TERF2: variants seen among roughly 807,000 people sequenced by gnomAD.
The protein encoded by TERF2 is telomeric repeat-binding factor 2.
A neutral mutation model predicts 56.1 loss-of-function variants in TERF2; 16 were observed. That is an observed-to-expected ratio of 0.29 (90% CI 0.19 to 0.43). TERF2 has a LOEUF of 0.43. Ranked by LOEUF, TERF2 falls within the 20% of genes least tolerant of loss-of-function variation. The pLI is 1.00. For missense variants in TERF2, 547 were observed against 712.9 expected, an observed-to-expected ratio of 0.77 and a Z score of 2.65; for synonymous variants, 296 against 282.1, an observed-to-expected ratio of 1.05 and a Z score of -0.50.
At chr16:69,379,604 C>T (rs1015711875) in intron 3 of TERF2, among the ~76,000 whole-genome samples, 3 of 152,160 alleles carry the variant, frequency 2.0e-5, no homozygotes. Flanking sequence ...TAAAACGTTA[C>T]TGCAGACCCT....
intron 9 of TERF2, 110 bp downstream of exon 9, chr16:69,357,408 A>G: frequency 2.3e-6 from 2 of 884,920 alleles, no homozygotes; most frequent in Non-Finnish European, 1.8e-6. Context: ...AAAATCTCAA[A>G]AAAAGGTTTT....
intron 7 of TERF2, among the ~76,000 whole-genome samples, chr16:69,363,217 A>C (rs1306917129): frequency 6.6e-6 from 1 of 152,130 alleles, no homozygotes; most frequent in Non-Finnish European, 1.5e-5. Flanking sequence ...TTTGTTTTCT[A>C]TGTGCTTATC....
At chr16:69,366,510 G>C (rs1376350960) in intron 7 of TERF2, 2 of 372,642 alleles carry the variant, frequency 5.4e-6, no homozygotes, top group East Asian at 8.6e-5. Context: ...CTAATGTTTA[G>C]AAGTCAAGAC....
In TERF2 at chr16:69,385,911, C is replaced by T. The variant is rs2014188201; in HGVS notation, c.61G>A (p.Ala21Thr). The T allele has an allele frequency of 2.2e-6, 3 of 1,393,034 alleles. No individual in the cohort carries two copies. The highest frequency in any genetic ancestry group is 2.8e-6 in the Non-Finnish European group (3 of 1,072,810). The allele number at this position is 1,393,034 out of a possible 1,614,324, so 86.3% of individuals were successfully genotyped here. Residue 21 changes from alanine to threonine, a missense_variant, in exon 1 of 10, where the codon GCG becomes ACG. By Grantham distance (58) the Ala-to-Thr change is moderately conservative (BLOSUM62 0). Transcript: ENST00000254942. ...ASGPGVVRDP[A>T]ASQPRKRPGR... is the part of the protein sequence containing the mutation. Reference sequence around the variant, plus strand: ...GGCCGCTTCCTCGGCTGTGACGCCGCTGGGTCACGCACGACGCCCGGGCCG... The same window carrying T: ...GGCCGCTTCCTCGGCTGTGACGCCGTTGGGTCACGCACGACGCCCGGGCCG...
At chr16:69,383,399 T>C (rs78268165) in intron 3 of TERF2, among the ~76,000 whole-genome samples, 4 of 152,324 alleles carry the variant, frequency 2.6e-5, no homozygotes, top group Non-Finnish European at 4.4e-5. Context: ...GTGTACTTAA[T>C]AGAAGTTAAA....
chr16:69,372,488 C>T (rs1031029714), intron 3 of TERF2, 133 bp from the exon 4 acceptor site: 15 of 578,416 alleles, frequency 2.6e-5, no homozygotes, highest in South Asian at 4.2e-5. Flanking sequence ...TAAAGCCAGG[C>T]GCGGTGGCTC....
intron 8 of TERF2, among the ~76,000 whole-genome samples, chr16:69,357,846 C>CTTTTTT (rs71383989): frequency 1.1e-4 from 14 of 121,908 alleles, no homozygotes; most frequent in East Asian, 2.2e-4. Context: ...ACATCGTTTT[C>CTTTTTT]TTTTTTTTTT....
chr16:69,359,059 T>C (rs1403339589), intron 8 of TERF2, among the ~76,000 whole-genome samples: 1 of 152,236 alleles, frequency 6.6e-6, no homozygotes, highest in African/African-American at 2.4e-5. Flanking sequence ...CTATGACATC[T>C]ACAATGTCAC....
intron 8 of TERF2, 128 bp from the exon 9 acceptor site, chr16:69,357,689 A>G (rs1567442044): frequency 1.1e-5 from 12 of 1,073,740 alleles, no homozygotes; most frequent in Non-Finnish European, 1.5e-5. Context: ...AAGAGAAAGG[A>G]TATCACTAAA....
intron 7 of TERF2, among the ~76,000 whole-genome samples, chr16:69,363,445 C>G (rs1597243200): frequency 6.6e-6 from 1 of 152,170 alleles, no homozygotes; most frequent in Non-Finnish European, 1.5e-5. Flanking sequence ...CTCCTGACTT[C>G]CCAAGTGGAT....
chr16:69,359,871 G>A (rs868430023), intron 8 of TERF2, among the ~76,000 whole-genome samples: 11 of 151,354 alleles, frequency 7.3e-5, no homozygotes, highest in Admixed American at 1.3e-4. Context: ...CGCCTGCCTC[G>A]GCCTTCAAAA....
At chr16:69,384,439 G>T in intron 3 of TERF2, 141 bp downstream of exon 3, 3 of 859,982 alleles carry the variant, frequency 3.5e-6, no homozygotes, top group Non-Finnish European at 5.1e-6. Context: ...AAGAAATAAC[G>T]TCTGTGTGTG....
chr16:69,383,196 CGAAATCT>C (rs2014068019), intron 3 of TERF2, among the ~76,000 whole-genome samples: 1 of 151,986 alleles, frequency 6.6e-6, no homozygotes, highest in Non-Finnish European at 1.5e-5. Context: ...TCTGAAAATC[CGAAATCT>C]GAAATGCTCC....
At chr16:69,360,521 T>C (rs534613780) in intron 8 of TERF2, among the ~76,000 whole-genome samples, 28 of 151,816 alleles carry the variant, frequency 1.8e-4, no homozygotes, top group Admixed American at 1.7e-3. Context: ...CTGGCCAACA[T>C]GGTGAAACCC....
intron 7 of TERF2, among the ~76,000 whole-genome samples, chr16:69,362,035 A>G (rs2142713036): frequency 6.6e-6 from 1 of 151,470 alleles, no homozygotes; most frequent in East Asian, 1.9e-4. Context: ...TGCCTCTTCT[A>G]TTCCCTAATG....
chr16:69,360,223 A>G (rs563533823), intron 8 of TERF2, among the ~76,000 whole-genome samples: 11 of 151,994 alleles, frequency 7.2e-5, no homozygotes, highest in Admixed American at 7.2e-4. Context: ...CCCGACTACT[A>G]AAAATACAAA....
chr16:69,367,532 C>T (rs1343959045), intron 6 of TERF2, among the ~76,000 whole-genome samples: 4 of 152,076 alleles, frequency 2.6e-5, no homozygotes, highest in African/African-American at 9.7e-5. Flanking sequence ...GGATTACAGG[C>T]GTGATCCACC....
intron 8 of TERF2, among the ~76,000 whole-genome samples, chr16:69,359,015 C>G (rs569982701): frequency 6.6e-6 from 1 of 152,248 alleles, no homozygotes; most frequent in East Asian, 1.9e-4. Context: ...TAAACAGAGA[C>G]AAAGTAATGC....
At chr16:69,360,767 A>C (rs1481441142) in intron 8 of TERF2, among the ~76,000 whole-genome samples, 1 of 151,642 alleles carries the variant, frequency 6.6e-6, no homozygotes, top group Non-Finnish European at 1.5e-5. Flanking sequence ...TTTTTCTTTA[A>C]ACAAGAAATG....
Sources: gnomAD v4.1 joint callset for allele counts (sites outside exome capture counted in the v4.1 genomes callset) on GRCh38, gnomAD v4.1.1 for gene constraint, MANE v1.5 for transcripts, NCBI Gene and HGNC (gene_info 2026-07-23, HGNC 2026-07-21) for gene names.